Variants in PTPRT observed in about 807,000 individuals in gnomAD.
PTPRT encodes the protein receptor-type tyrosine-protein phosphatase T.
PTPRT carries 56 observed loss-of-function variants against 176.8 expected under a neutral mutation model. The observed-to-expected ratio is 0.32, with a 90% CI of 0.26 to 0.40. The LOEUF (loss-of-function observed/expected upper bound fraction) is 0.40. PTPRT is among the 10% of genes least tolerant of loss of function. PTPRT has a pLI of 1.00. For missense variants in PTPRT, 1,540 were observed against 1,908.2 expected, an observed-to-expected ratio of 0.81 and a Z score of 3.60; for synonymous variants, 783 against 739.0, an observed-to-expected ratio of 1.06 and a Z score of -0.96.
chr20:42,045,204 C>T, the PTPRT span, among the ~76,000 whole-genome samples: 1 of 151,972 alleles, frequency 6.6e-6, no homozygotes, highest in Non-Finnish European at 1.5e-5. Flanking sequence ...GACATAGACA[C>T]CTTTGGGAGG....
intron 9 of PTPRT, among the ~76,000 whole-genome samples, chr20:42,418,677 C>G (rs1232424067): frequency 6.6e-6 from 1 of 152,072 alleles, no homozygotes; most frequent in Non-Finnish European, 1.5e-5. Flanking sequence ...AGATGGGTTC[C>G]CAGGCTCTCA....
At chr20:42,872,372 T>A (rs1316707180) in intron 2 of PTPRT, among the ~76,000 whole-genome samples, 1 of 152,254 alleles carries the variant, frequency 6.6e-6, no homozygotes, top group African/African-American at 2.4e-5. Context: ...GATAGATCAC[T>A]GCAGCTCTGC....
chr20:42,393,407 G>C (rs1047455035), intron 9 of PTPRT, among the ~76,000 whole-genome samples: 1 of 152,156 alleles, frequency 6.6e-6, no homozygotes, highest in Non-Finnish European at 1.5e-5. Flanking sequence ...CAGGTGACTG[G>C]AGAAAACTGC....
At chr20:42,696,114 C>T (rs1342003117) in intron 6 of PTPRT, among the ~76,000 whole-genome samples, 2 of 152,106 alleles carry the variant, frequency 1.3e-5, no homozygotes, top group South Asian at 2.1e-4. Context: ...TCTTCCCCTT[C>T]CCTTTCCCCT....
Position 42,837,952 on chromosome 20 carries a change from A to G in PTPRT, c.215-46486T>C, listed in dbSNP as rs12106179. The stretch of plus-strand genomic sequence containing the variant: ...AGATATCCATCTGTCCTTTCGGAGA[A>G]GTAAGAGGGAAAAAGGAACACTTTT... On this transcript the variant is annotated intron_variant, in intron 2 of 30. Transcript: ENST00000373187. Among the ~76,000 whole-genome samples the G allele has an allele frequency of 4.2e-3, 641 of 152,314 alleles. 4 individuals are homozygous for G. Among genetic ancestry groups the G allele is most frequent in the African/African-American group, 0.015 (603 of 41,564 alleles).
chr20:42,881,748 AAG>A (rs1555799769), intron 2 of PTPRT, among the ~76,000 whole-genome samples: 1 of 148,322 alleles, frequency 6.7e-6, no homozygotes. Context: ...AAAAAAAAAA[AAG>A]AGAGAGAGAG....
At chr20:42,177,936 CCTT>C (rs1259394190) in intron 16 of PTPRT, among the ~76,000 whole-genome samples, 4 of 148,900 alleles carry the variant, frequency 2.7e-5, no homozygotes, top group African/African-American at 9.9e-5. Context: ...TTCTTTCCTT[CCTT>C]CTTTTCTTTT....
At chr20:42,172,663 A>C (rs569691485) in intron 16 of PTPRT, among the ~76,000 whole-genome samples, 107 of 152,332 alleles carry the variant, frequency 7.0e-4, no homozygotes, top group African/African-American at 2.4e-3. Flanking sequence ...CAATATTATA[A>C]CCAGAAAATT....
At position 42,865,190 on chromosome 20, in the gene PTPRT, T is replaced by C. The variant is rs150376271; in HGVS notation, c.214+20617A>G. The stretch of plus-strand genomic sequence containing the variant: ...TATAGAACCTGTGTGGTATTAGAGT[T>C]AGAAAACTGGGAGTATTACCTAATC... On this transcript the variant is annotated intron_variant, in intron 2 of 30. Coordinates refer to ENST00000373187, the MANE Select transcript of PTPRT (RefSeq NM_007050.6). Among the ~76,000 whole-genome samples the C allele has an allele frequency of 4.3e-3, 662 of 152,276 alleles. 4 individuals carry two copies. Among genetic ancestry groups the C allele is most frequent in the African/African-American group, 0.015 (618 of 41,552 alleles).
chr20:42,294,592 A>AC (rs1026748725), intron 12 of PTPRT, among the ~76,000 whole-genome samples: 1 of 152,060 alleles, frequency 6.6e-6, no homozygotes, highest in African/African-American at 2.4e-5. Context: ...AAATCTAAAA[A>AC]ATTTTTTAAA....
intron 16 of PTPRT, among the ~76,000 whole-genome samples, chr20:42,180,471 T>TATA (rs1990471793): frequency 6.6e-6 from 1 of 152,234 alleles, no homozygotes; most frequent in Non-Finnish European, 1.5e-5. Context: ...CACTTGTTAT[T>TATA]ATGTCATATC....
chr20:42,148,110 A>G (rs938701354), intron 17 of PTPRT, among the ~76,000 whole-genome samples: 3 of 152,084 alleles, frequency 2.0e-5, no homozygotes, highest in African/African-American at 7.2e-5. Flanking sequence ...TGAAACCAAA[A>G]TTGCCATCTC....
intron 7 of PTPRT, among the ~76,000 whole-genome samples, chr20:42,516,676 T>C (rs2072073618): frequency 6.6e-6 from 1 of 152,184 alleles, no homozygotes; most frequent in African/African-American, 2.4e-5. Flanking sequence ...TGGTTAAGCA[T>C]ATACTTAGTT....
chr20:42,268,766 C>T (rs1380976057), intron 13 of PTPRT, among the ~76,000 whole-genome samples: 1 of 152,306 alleles, frequency 6.6e-6, no homozygotes, highest in Non-Finnish European at 1.5e-5. Context: ...GGCAGTGACA[C>T]ACTGGAGTAC....
chr20:42,430,324 T>G (rs1339812919), intron 9 of PTPRT, among the ~76,000 whole-genome samples: 1 of 152,204 alleles, frequency 6.6e-6, no homozygotes, highest in Non-Finnish European at 1.5e-5. Context: ...ATGCTTGGCC[T>G]GCAGACAACT....
intron 7 of PTPRT, among the ~76,000 whole-genome samples, chr20:42,517,785 TTAAAA>T (rs2072097121): frequency 6.6e-6 from 1 of 152,022 alleles, no homozygotes; most frequent in South Asian, 2.1e-4. Context: ...CACACAGATT[TTAAAA>T]TAAAGTTACT....
chr20:42,287,067 C>T (rs1054818163), intron 12 of PTPRT, among the ~76,000 whole-genome samples: 6 of 151,660 alleles, frequency 4.0e-5, no homozygotes, highest in African/African-American at 1.2e-4. Context: ...GTTAAGATGG[C>T]TATTACAAAA....
At chr20:42,206,418 GGTGCGCGCACCATGCGCGAGC>G (rs1320336941) in intron 15 of PTPRT, among the ~76,000 whole-genome samples, 1 of 151,986 alleles carries the variant, frequency 6.6e-6, no homozygotes, top group African/African-American at 2.4e-5. Flanking sequence ...CAGGTCAGTG[GGTGCGCGCACCATGCGCGAGC>G]CGAAGCAGGG....
chr20:42,801,144 G>A (rs1433203307), intron 2 of PTPRT, among the ~76,000 whole-genome samples: 1 of 152,166 alleles, frequency 6.6e-6, no homozygotes, highest in Non-Finnish European at 1.5e-5. Flanking sequence ...CTGCCCTGGG[G>A]ATACTAGGAG....
Sources: gnomAD v4.1 joint callset for allele counts (sites outside exome capture counted in the v4.1 genomes callset) on GRCh38, gnomAD v4.1.1 for gene constraint, MANE v1.5 for transcripts, NCBI Gene and HGNC (gene_info 2026-07-23, HGNC 2026-07-21) for gene names.